Variants in KLHL3 observed in about 807,000 individuals in gnomAD.
KLHL3 encodes kelch like family member 3.
A neutral mutation model predicts 70.5 loss-of-function variants in KLHL3; 19 were observed. The ratio of observed to expected loss-of-function variants is 0.27; its 90% confidence interval spans 0.19 to 0.40. The LOEUF (loss-of-function observed/expected upper bound fraction) is 0.40. Ranked by LOEUF, KLHL3 falls within the 10% of genes least tolerant of loss-of-function variation. The pLI is 1.00. For missense variants in KLHL3, 512 were observed against 771.1 expected, an observed-to-expected ratio of 0.66 and a Z score of 3.98; for synonymous variants, 258 against 290.3, an observed-to-expected ratio of 0.89 and a Z score of 1.13.
chr5:137,668,194 G>A (rs1040370330), intron 6 of KLHL3, among the ~76,000 whole-genome samples: 18 of 152,162 alleles, frequency 1.2e-4, no homozygotes, highest in African/African-American at 3.9e-4. Flanking sequence ...GGCGGATCAC[G>A]AAGTCAAGAG....
intron 6 of KLHL3, among the ~76,000 whole-genome samples, chr5:137,664,784 C>T (rs1412050149): frequency 6.6e-6 from 1 of 152,012 alleles, no homozygotes; most frequent in East Asian, 1.9e-4. Flanking sequence ...TGCCACTGCA[C>T]TCCAGCCCGG....
intron 13 of KLHL3, among the ~76,000 whole-genome samples, chr5:137,626,183 G>T (rs1197997774): frequency 1.3e-5 from 2 of 152,124 alleles, no homozygotes; most frequent in East Asian, 3.9e-4. Context: ...TATACTATAA[G>T]TATGTAGAGC....
At chr5:137,661,637 T>C in intron 7 of KLHL3, 1 of 296,996 alleles carries the variant, frequency 3.4e-6, no homozygotes, top group Admixed American at 4.9e-5. Context: ...TCTACTATAA[T>C]ATCTGTTCTA....
At chr5:137,701,845 T>C (rs1752575146) in intron 3 of KLHL3, among the ~76,000 whole-genome samples, 1 of 152,216 alleles carries the variant, frequency 6.6e-6, no homozygotes, top group Admixed American at 6.5e-5. Context: ...CTGCTAGCTC[T>C]TCCCAAGAGG....
Position 137,720,495 on chromosome 5 carries a change from T to C in KLHL3, c.104A>G (p.Lys35Arg), listed in dbSNP as rs1752977165. Residue 35 changes from lysine to arginine, a missense_variant, in exon 2 of 15, where the codon AAA (lysine) becomes AGA (arginine). Lys to Arg is a conservative substitution (Grantham distance 26). Coordinates refer to ENST00000309755, the MANE Select transcript of KLHL3 (RefSeq NM_017415.3). ...TITVNPAHMG[K>R]AFKVMNELRS... ...CAGTTCATTCATAACCTTGAATGCT[T>C]TCCCCATGTGGGCAGGGTTGACAGT... 1 of 1,614,002 alleles carries C rather than the reference T, an allele frequency of 6.2e-7. No individual in the cohort carries two copies. The highest frequency in any genetic ancestry group is 1.3e-5 in the African/African-American group (1 of 74,914).
chr5:137,721,967 T>G (rs191080007), intron 1 of KLHL3, among the ~76,000 whole-genome samples: 1 of 152,370 alleles, frequency 6.6e-6, no homozygotes, highest in East Asian at 1.9e-4. Context: ...AGGAGTAGTG[T>G]GAGACCTTGG....
chr5:137,735,806 C>T lies in KLHL3; in HGVS notation c.-160G>A. 1.1e-6 allele frequency: 1 copy of T among 936,874 alleles called. No homozygotes were observed. Among genetic ancestry groups the T allele is most frequent in the Non-Finnish European group, 1.7e-6 (1 of 581,124 alleles). The allele number at this position is 936,874 out of a possible 1,614,324, so 58.0% of individuals were successfully genotyped here. On this transcript the variant is annotated 5_prime_UTR_variant, in exon 1 of 15. Coordinates refer to ENST00000309755, the MANE Select transcript of KLHL3 (RefSeq NM_017415.3). ...GCCTCCTCCCTTCTCAATCCTCCTTCCTCTGACTTACTCGCAGCAGCTTCT... is the reference window on the plus strand; with the variant it reads ...GCCTCCTCCCTTCTCAATCCTCCTTTCTCTGACTTACTCGCAGCAGCTTCT...
intron 2 of KLHL3, among the ~76,000 whole-genome samples, chr5:137,712,601 C>T (rs1752814582): frequency 6.6e-6 from 1 of 152,196 alleles, no homozygotes; most frequent in South Asian, 2.1e-4. Context: ...GCATGGCTCA[C>T]AAGCACTCCT....
At chr5:137,719,340 C>T (rs866854616) in intron 2 of KLHL3, among the ~76,000 whole-genome samples, 1 of 152,218 alleles carries the variant, frequency 6.6e-6, no homozygotes, top group Non-Finnish European at 1.5e-5. Context: ...AATAGAAGCT[C>T]CTATGAAGTG....
At chr5:137,680,699 C>T (rs746207702) in intron 5 of KLHL3, among the ~76,000 whole-genome samples, 9 of 152,136 alleles carry the variant, frequency 5.9e-5, no homozygotes, top group African/African-American at 1.2e-4. Flanking sequence ...TCCACTACCA[C>T]GCCCAGCTTA....
At chr5:137,679,021 A>C (rs886393127) in intron 5 of KLHL3, among the ~76,000 whole-genome samples, 1 of 142,876 alleles carries the variant, frequency 7.0e-6, no homozygotes, top group Non-Finnish European at 1.6e-5. Context: ...CAAAACAAAA[A>C]AAGCCTTTAG....
At chr5:137,649,430 A>C (rs1362489352) in intron 8 of KLHL3, among the ~76,000 whole-genome samples, 1 of 152,242 alleles carries the variant, frequency 6.6e-6, no homozygotes, top group Admixed American at 6.5e-5. Context: ...CCCACATGGC[A>C]AGAAACAGGC....
chr5:137,701,352 T>C (rs899281854), intron 3 of KLHL3, among the ~76,000 whole-genome samples: 1 of 152,120 alleles, frequency 6.6e-6, no homozygotes, highest in Non-Finnish European at 1.5e-5. Flanking sequence ...CCGGCCAAAA[T>C]TGGCATTTCA....
intron 6 of KLHL3, among the ~76,000 whole-genome samples, chr5:137,673,183 T>C (rs1751804673): frequency 6.6e-6 from 1 of 152,162 alleles, no homozygotes; most frequent in African/African-American, 2.4e-5. Context: ...CCCTTTGTTT[T>C]GTGTTAAATG....
intron 6 of KLHL3, among the ~76,000 whole-genome samples, chr5:137,668,370 C>T (rs959975695): frequency 2.6e-5 from 4 of 152,120 alleles, no homozygotes; most frequent in East Asian, 1.9e-4. Flanking sequence ...GAGATTGCAC[C>T]GCTGCACTCC....
intron 5 of KLHL3, among the ~76,000 whole-genome samples, chr5:137,687,218 C>T (rs1352393722): frequency 1.7e-3 from 26 of 15,282 alleles, no homozygotes; most frequent in East Asian, 0.029. Context: ...CCCCTCTGCC[C>T]GGCCAGCCGC....
chr5:137,731,491 G>C (rs958570713), intron 1 of KLHL3, among the ~76,000 whole-genome samples: 56 of 152,144 alleles, frequency 3.7e-4, no homozygotes, highest in African/African-American at 1.4e-3. Context: ...AAGTGTACTG[G>C]CTTTCTAAGT....
chr5:137,725,110 C>A, intron 1 of KLHL3: 1 of 948,702 alleles, frequency 1.1e-6, no homozygotes, highest in Non-Finnish European at 1.3e-6. Context: ...CATCCCCACC[C>A]TATCAAGTCC....
intron 6 of KLHL3, among the ~76,000 whole-genome samples, chr5:137,663,831 G>A (rs1751547524): frequency 6.6e-6 from 1 of 152,144 alleles, no homozygotes. Flanking sequence ...GGCTTTCAAT[G>A]CCAATATTTG....
Sources: gnomAD v4.1 joint callset for allele counts (sites outside exome capture counted in the v4.1 genomes callset) on GRCh38, gnomAD v4.1.1 for gene constraint, MANE v1.5 for transcripts, NCBI Gene and HGNC (gene_info 2026-07-23, HGNC 2026-07-21) for gene names.